Variants in PCBD2 observed in about 807,000 individuals in gnomAD.
The protein encoded by PCBD2 is pterin-4 alpha-carbinolamine dehydratase 2, also known as pterin-4-alpha-carbinolamine dehydratase 2.
PCBD2 carries 12 observed loss-of-function variants against 16.4 expected under a neutral mutation model. The observed-to-expected ratio is 0.73, with a 90% CI of 0.47 to 1.19. The LOEUF (loss-of-function observed/expected upper bound fraction) is 1.19. Among genes scored for constraint, PCBD2 ranks in the 50% most tolerant of loss-of-function variants. PCBD2 has a pLI of 0.00. For synonymous variants in PCBD2, 58 were observed against 61.8 expected, an observed-to-expected ratio of 0.94 and a Z score of 0.29; for missense variants, 138 against 156.8, an observed-to-expected ratio of 0.88 and a Z score of 0.64.
chr5:134,952,491 G>A (rs1751369642), intron 2 of PCBD2, among the ~76,000 whole-genome samples: 6 of 152,138 alleles, frequency 3.9e-5, no homozygotes, highest in Admixed American at 2.6e-4. Flanking sequence ...TGTTTAATCT[G>A]TCATGGGTTA....
intron 2 of PCBD2, among the ~76,000 whole-genome samples, chr5:134,921,835 T>C (rs971402773): frequency 6.6e-6 from 1 of 152,208 alleles, no homozygotes; most frequent in East Asian, 1.9e-4. Context: ...CCTGGCCACA[T>C]GTTACCTTTA....
intron 2 of PCBD2, chr5:134,927,557 TA>T (rs1043558136): frequency 2.5e-6 from 1 of 395,374 alleles, no homozygotes; most frequent in Non-Finnish European, 4.4e-6. Flanking sequence ...GTGCGATGAG[TA>T]GGGGGAGGGA....
At chr5:134,915,523 T>C (rs1051818671) in intron 2 of PCBD2, among the ~76,000 whole-genome samples, 3 of 144,354 alleles carry the variant, frequency 2.1e-5, no homozygotes, top group African/African-American at 5.1e-5. Flanking sequence ...CATGACTCAC[T>C]GCAGCCTTGA....
In PCBD2 at chr5:134,926,944, T is replaced by C. The variant is rs79592116; in HGVS notation, c.216+16478T>C. On this transcript the variant is annotated intron_variant, in intron 2 of 3. Transcript: ENST00000254908. ...ATAGTGGGGGGTAAGGCGAGATTAGTGAGGCTTGCTAGAAGTCATCAAAAG... is the reference window on the plus strand; with the variant it reads ...ATAGTGGGGGGTAAGGCGAGATTAGCGAGGCTTGCTAGAAGTCATCAAAAG... 7.8e-5 allele frequency: 31 copies of C among 398,266 alleles called. No homozygotes were observed. In the East Asian group the frequency reaches 1.1e-3, roughly 14 times the overall value. 24.7% of individuals were successfully genotyped at this position (398,266 alleles called of 1,614,324 possible).
rs543621077 is a variant in PCBD2 at position 134,924,563 on chromosome 5, T to C, written c.216+14097T>C. ...CTATTGGTGCGGGGGCTTTGTATGA[T>C]TATGGGCGTTGATTAGTAGTAGTTA... On this transcript the variant is annotated intron_variant, in intron 2 of 3. Coordinates refer to ENST00000254908, the MANE Select transcript of PCBD2 (RefSeq NM_032151.5). 5.0e-6 allele frequency: 2 copies of C among 398,844 alleles called. 1 individual carries two copies. The highest frequency in any genetic ancestry group is 8.8e-6 in the Non-Finnish European group (2 of 226,390). The allele number at this position is 398,844 out of a possible 1,614,324, so 24.7% of individuals were successfully genotyped here. A position where few individuals can be genotyped will look rare whatever the true frequency, so the allele number is the denominator to read the frequency against.
chr5:134,930,428 C>G (rs1751079614), intron 2 of PCBD2, among the ~76,000 whole-genome samples: 1 of 152,186 alleles, frequency 6.6e-6, no homozygotes, highest in Non-Finnish European at 1.5e-5. Context: ...GACTTTTCCT[C>G]TCCCTCATCT....
intron 2 of PCBD2, among the ~76,000 whole-genome samples, chr5:134,918,546 G>A (rs1231281579): frequency 6.6e-6 from 1 of 152,140 alleles, no homozygotes; most frequent in Non-Finnish European, 1.5e-5. Context: ...GTTTTGATTT[G>A]AAAGTATAAG....
chr5:134,953,302 T>G (rs185737740), intron 2 of PCBD2, among the ~76,000 whole-genome samples: 117 of 150,852 alleles, frequency 7.8e-4, no homozygotes, highest in African/African-American at 2.7e-3. Flanking sequence ...TATATTTTTA[T>G]TTTGATTCTT....
At chr5:134,960,106 C>T (rs7356634) in intron 3 of PCBD2, among the ~76,000 whole-genome samples, 3 of 151,952 alleles carry the variant, frequency 2.0e-5, no homozygotes, top group African/African-American at 7.3e-5. Context: ...TCTCAAACTC[C>T]TGAACTCAGG....
At chr5:134,925,983 G>A (rs187603455) in intron 2 of PCBD2, 15 of 386,910 alleles carry the variant, frequency 3.9e-5, no homozygotes, top group Admixed American at 1.8e-4. Flanking sequence ...CTGCTCGGGC[G>A]TATCATCAAC....
chr5:134,925,279 T>C (rs1185381184), intron 2 of PCBD2: 5 of 398,442 alleles, frequency 1.3e-5, no homozygotes, highest in Admixed American at 4.4e-5. Flanking sequence ...TTCGATGATG[T>C]GGTCTTTGGA....
intron 2 of PCBD2, among the ~76,000 whole-genome samples, chr5:134,911,537 T>C (rs1032546353): frequency 3.9e-5 from 6 of 152,236 alleles, no homozygotes; most frequent in Non-Finnish European, 7.3e-5. Context: ...TCAGAGACCA[T>C]GTTTGCTTAA....
chr5:134,952,302 A>C (rs948558991), intron 2 of PCBD2, among the ~76,000 whole-genome samples: 1 of 152,174 alleles, frequency 6.6e-6, no homozygotes, highest in Non-Finnish European at 1.5e-5. Flanking sequence ...CCTATCTATC[A>C]GCATTCCAGA....
At chr5:134,953,601 C>T (rs1278893370) in intron 2 of PCBD2, among the ~76,000 whole-genome samples, 1 of 152,094 alleles carries the variant, frequency 6.6e-6, no homozygotes. Flanking sequence ...TCAAGACCAG[C>T]TGGGCCAACA....
intron 2 of PCBD2, among the ~76,000 whole-genome samples, chr5:134,932,804 A>G (rs1751114472): frequency 1.3e-5 from 2 of 152,102 alleles, no homozygotes; most frequent in Non-Finnish European, 2.9e-5. Context: ...TTCTTAAACT[A>G]TGATTCTGTT....
chr5:134,916,125 C>T (rs1396474010), intron 2 of PCBD2, among the ~76,000 whole-genome samples: 2 of 152,048 alleles, frequency 1.3e-5, no homozygotes, highest in Non-Finnish European at 2.9e-5. Context: ...TCCATCTCTA[C>T]AAAAATAAAA....
At chr5:134,915,024 T>C (rs953750995) in intron 2 of PCBD2, among the ~76,000 whole-genome samples, 1 of 152,018 alleles carries the variant, frequency 6.6e-6, no homozygotes, top group Admixed American at 6.6e-5. Context: ...CTTTTAAAAC[T>C]CACATACCAG....
chr5:134,921,042 C>T (rs1328508011), intron 2 of PCBD2, among the ~76,000 whole-genome samples: 4 of 152,218 alleles, frequency 2.6e-5, no homozygotes, highest in African/African-American at 7.2e-5. Context: ...TGGACATGCA[C>T]CAGGTGGGTG....
chr5:134,934,989 A>G (rs1751142439), intron 2 of PCBD2, among the ~76,000 whole-genome samples: 1 of 152,176 alleles, frequency 6.6e-6, no homozygotes, highest in Non-Finnish European at 1.5e-5. Flanking sequence ...AAATCACTCC[A>G]TTGTTAAGTT....
Sources: gnomAD v4.1 joint callset for allele counts (sites outside exome capture counted in the v4.1 genomes callset) on GRCh38, gnomAD v4.1.1 for gene constraint, MANE v1.5 for transcripts, NCBI Gene and HGNC (gene_info 2026-07-23, HGNC 2026-07-21) for gene names.